The following CSMD1 variants were observed in gnomAD, a reference collection of about 807,000 sequenced individuals.
CSMD1 encodes CUB and sushi domain-containing protein 1.
CSMD1 carries 213 observed loss-of-function variants against 417.5 expected under a neutral mutation model. The observed-to-expected ratio is 0.51, with a 90% CI of 0.46 to 0.57. The LOEUF is 0.57. Among genes scored for constraint, CSMD1 ranks in the 20% least tolerant of loss-of-function variants. The pLI is 0.00. For missense variants in CSMD1, 6,923 were observed against 4,529.7 expected (o/e 1.53, Z -15.17); for synonymous variants, 2,862 against 1,736.8 (o/e 1.65, Z -16.11).
At chr8:4,600,187 G>C (rs1236694509) in intron 2 of CSMD1, among the ~76,000 whole-genome samples, 1 of 151,406 alleles carries the variant, frequency 6.6e-6, no homozygotes, top group Admixed American at 6.6e-5. Context: ...GAGTGCAAAT[G>C]TCAAATACAT....
chr8:4,601,508 G>A (rs1800580844), intron 2 of CSMD1, among the ~76,000 whole-genome samples: 1 of 152,074 alleles, frequency 6.6e-6, no homozygotes, highest in Admixed American at 6.6e-5. Context: ...AGACAAGGAG[G>A]GACAGAGATC....
rs573407549 is a variant in CSMD1, at chr8:4,274,571, C to G, written c.415+145382G>C. Among the ~76,000 whole-genome samples the G allele has an allele frequency of 2.6e-5, 4 of 152,210 alleles. No individual in the cohort carries two copies. In the South Asian group the frequency reaches 6.2e-4, roughly 24 times the overall value. On this transcript the variant is annotated intron_variant, in intron 3 of 69. Coordinates refer to ENST00000635120, the MANE Select transcript of CSMD1 (RefSeq NM_033225.6). ...GTGTTTATAGGGAAGGCCTTCTGTTCTTTAAATTATATCTATTCTATTAAT... is the reference window on the plus strand; with the variant it reads ...GTGTTTATAGGGAAGGCCTTCTGTTGTTTAAATTATATCTATTCTATTAAT...
chr8:4,416,504 T>TC (rs1237554436), intron 3 of CSMD1, among the ~76,000 whole-genome samples: 1 of 152,086 alleles, frequency 6.6e-6, no homozygotes, highest in East Asian at 1.9e-4. Context: ...AGAACCAAAA[T>TC]AATGAACATT....
At chr8:4,885,020 T>A (rs1456534691) in intron 1 of CSMD1, among the ~76,000 whole-genome samples, 1 of 152,142 alleles carries the variant, frequency 6.6e-6, no homozygotes, top group East Asian at 1.9e-4. Context: ...TTAATTCTTT[T>A]AAACAATATT....
At chr8:3,892,309 T>C (rs879787217) in intron 5 of CSMD1, among the ~76,000 whole-genome samples, 1 of 152,148 alleles carries the variant, frequency 6.6e-6, no homozygotes, top group Admixed American at 6.6e-5. Context: ...GCTTAATTGC[T>C]GAAAAGGGAA....
intron 3 of CSMD1, among the ~76,000 whole-genome samples, chr8:4,236,001 G>A (rs1802023513): frequency 6.9e-6 from 1 of 145,088 alleles, no homozygotes; most frequent in African/African-American, 2.6e-5. Flanking sequence ...GATAATCACT[G>A]TGAGCAAAGA....
At chr8:3,791,939 A>G (rs1799768160) in intron 5 of CSMD1, among the ~76,000 whole-genome samples, 1 of 152,144 alleles carries the variant, frequency 6.6e-6, no homozygotes, top group African/African-American at 2.4e-5. Context: ...CGTTTGCACC[A>G]ACCTAATAGC....
intron 1 of CSMD1, among the ~76,000 whole-genome samples, chr8:4,904,288 C>G (rs1157621841): frequency 2.6e-5 from 4 of 152,154 alleles, no homozygotes; most frequent in Admixed American, 2.0e-4. Context: ...AATGAAAGTA[C>G]AGTAAATGTA....
At chr8:4,723,420 T>C (rs1809193538) in intron 1 of CSMD1, among the ~76,000 whole-genome samples, 2 of 152,208 alleles carry the variant, frequency 1.3e-5, no homozygotes, top group South Asian at 4.1e-4. Context: ...GTTTAATACT[T>C]TGGAGTACAT....
chr8:3,787,668 T>C (rs1799521222), intron 5 of CSMD1, among the ~76,000 whole-genome samples: 1 of 152,184 alleles, frequency 6.6e-6, no homozygotes, highest in Non-Finnish European at 1.5e-5. Flanking sequence ...TATAATTTAG[T>C]ATTGTTTACA....
At chr8:3,996,814 G>A (rs1563298963) in intron 5 of CSMD1, among the ~76,000 whole-genome samples, 2 of 152,184 alleles carry the variant, frequency 1.3e-5, no homozygotes, top group Non-Finnish European at 2.9e-5. Flanking sequence ...ACTTCTCCAT[G>A]AATAGGAATC....
chr8:3,087,682 G>C (rs896593588), intron 48 of CSMD1, among the ~76,000 whole-genome samples: 1 of 152,216 alleles, frequency 6.6e-6, no homozygotes, highest in African/African-American at 2.4e-5. Flanking sequence ...AATGTTTTAA[G>C]AAAGTTTACA....
At chr8:3,418,764 G>A (rs935073162) in intron 12 of CSMD1, among the ~76,000 whole-genome samples, 1 of 152,018 alleles carries the variant, frequency 6.6e-6, no homozygotes, top group Non-Finnish European at 1.5e-5. Flanking sequence ...CAGACACACG[G>A]GATTGCACAA....
chr8:3,854,979 G>C lies in CSMD1; in HGVS notation c.819-100937C>G, dbSNP rs919198489. Reference sequence around the variant, plus strand: ...AAACATAGCATACATACACACAAATGTCCAGGCCCAGTAATCCATACAGCC... The same window carrying C: ...AAACATAGCATACATACACACAAATCTCCAGGCCCAGTAATCCATACAGCC... On this transcript the variant is annotated intron_variant, in intron 5 of 69. Coordinates refer to ENST00000635120, the MANE Select transcript of CSMD1 (RefSeq NM_033225.6). Among the ~76,000 whole-genome samples the C allele has an allele frequency of 1.3e-5, 2 of 152,026 alleles. 1 individual carries two copies. Among genetic ancestry groups the C allele is most frequent in the South Asian group, 4.1e-4 (2 of 4,832 alleles).
At chr8:4,665,292 G>A (rs1016786462) in intron 1 of CSMD1, among the ~76,000 whole-genome samples, 3 of 152,046 alleles carry the variant, frequency 2.0e-5, no homozygotes, top group Non-Finnish European at 4.4e-5. Context: ...TCTCAGATTG[G>A]CCTTCCTCTC....
intron 6 of CSMD1, among the ~76,000 whole-genome samples, chr8:3,732,265 G>A (rs1410816959): frequency 3.3e-5 from 5 of 152,172 alleles, no homozygotes; most frequent in African/African-American, 9.7e-5. Context: ...TCGATACAAA[G>A]CTGCCCTCTT....
At chr8:3,453,765 G>T (rs1451040576) in intron 12 of CSMD1, among the ~76,000 whole-genome samples, 1 of 152,146 alleles carries the variant, frequency 6.6e-6, no homozygotes, top group East Asian at 1.9e-4. Flanking sequence ...GTGTGGTATG[G>T]TGCTGAAAAG....
At chr8:4,664,043 T>G (rs968574564) in intron 1 of CSMD1, among the ~76,000 whole-genome samples, 4 of 152,168 alleles carry the variant, frequency 2.6e-5, no homozygotes, top group Non-Finnish European at 5.9e-5. Context: ...AGCTACCTCA[T>G]GAAATCGCCT....
chr8:3,200,538 G>C (rs1000574283), intron 32 of CSMD1, among the ~76,000 whole-genome samples: 1 of 151,548 alleles, frequency 6.6e-6, no homozygotes, highest in Non-Finnish European at 1.5e-5. Flanking sequence ...CTGGGCAAGA[G>C]AGTGAGTGAG....
Sources: allele counts gnomAD v4.1 joint callset (sites outside exome capture counted in the v4.1 genomes callset), GRCh38; gene constraint gnomAD v4.1.1; transcripts MANE v1.5; gene names NCBI Gene and HGNC (gene_info 2026-07-23, HGNC 2026-07-21).